The following ASIC2 variants were observed in gnomAD, a reference collection of about 807,000 sequenced individuals.
The protein encoded by ASIC2 is acid-sensing ion channel 2.
Under a neutral mutation model 57.3 loss-of-function variants are expected in ASIC2, and 25 were observed. The ratio of observed to expected loss-of-function variants is 0.44; its 90% confidence interval spans 0.32 to 0.61. ASIC2 has a LOEUF of 0.61. Among genes scored for constraint, ASIC2 ranks in the 20% least tolerant of loss-of-function variants. The probability of loss-of-function intolerance (pLI) is 0.06; values close to 1 mark genes in which losing one functional copy is unlikely to be tolerated. For missense variants in ASIC2, 641 were observed against 738.1 expected (o/e 0.87, Z 1.52); for synonymous variants, 319 against 307.5 (o/e 1.04, Z -0.39).
At chr17:33,929,605 A>G (rs1915889909) in intron 1 of ASIC2, among the ~76,000 whole-genome samples, 1 of 152,230 alleles carries the variant, frequency 6.6e-6, no homozygotes, top group African/African-American at 2.4e-5. Flanking sequence ...GGGTCAGCCC[A>G]GTATTCTCTT....
chr17:33,905,706 T>A (rs1162679610), intron 1 of ASIC2, among the ~76,000 whole-genome samples: 1 of 152,162 alleles, frequency 6.6e-6, no homozygotes, highest in Non-Finnish European at 1.5e-5. Flanking sequence ...CTGAAGCCGT[T>A]CCTCACCCTG....
intron 1 of ASIC2, among the ~76,000 whole-genome samples, chr17:33,738,110 A>T (rs1377667109): frequency 2.0e-5 from 3 of 152,168 alleles, no homozygotes; most frequent in Admixed American, 6.5e-5. Context: ...GTAAGACCAA[A>T]GGCTTGCATT....
At chr17:34,023,248 T>C (rs1213285368) in intron 1 of ASIC2, among the ~76,000 whole-genome samples, 1 of 152,088 alleles carries the variant, frequency 6.6e-6, no homozygotes, top group Admixed American at 6.6e-5. Flanking sequence ...TTTCTCTTTC[T>C]TCTCCTCTTC....
At chr17:33,498,471 A>G (rs1914006116) in intron 1 of ASIC2, among the ~76,000 whole-genome samples, 1 of 152,164 alleles carries the variant, frequency 6.6e-6, no homozygotes, top group South Asian at 2.1e-4. Flanking sequence ...ACTATTCAGG[A>G]GGCGTTGAAG....
intron 1 of ASIC2, among the ~76,000 whole-genome samples, chr17:33,657,523 C>T (rs1193068668): frequency 1.3e-5 from 2 of 152,134 alleles, no homozygotes; most frequent in South Asian, 4.1e-4. Context: ...GAGCCAGCTT[C>T]TTCCTCTCAG....
chr17:34,108,272 T>C (rs1911136525), intron 1 of ASIC2, among the ~76,000 whole-genome samples: 1 of 152,136 alleles, frequency 6.6e-6, no homozygotes, highest in Non-Finnish European at 1.5e-5. Context: ...ACAATAAATA[T>C]CCTGTTCATG....
chr17:33,016,090 G>T, intron 8 of ASIC2, 51 bp from the exon 9 acceptor site: 1 of 1,587,522 alleles, frequency 6.3e-7, no homozygotes, highest in Non-Finnish European at 8.6e-7. Flanking sequence ...GGGTGCAGAG[G>T]CAGAAGGGAC....
At chr17:33,950,850 G>T (rs1904538444) in intron 1 of ASIC2, among the ~76,000 whole-genome samples, 1 of 152,146 alleles carries the variant, frequency 6.6e-6, no homozygotes, top group Admixed American at 6.5e-5. Context: ...CTTTCTTTTT[G>T]GGAAAAAGCA....
chr17:33,090,240 C>T (rs746110314), intron 2 of ASIC2, among the ~76,000 whole-genome samples: 13 of 152,204 alleles, frequency 8.5e-5, no homozygotes, highest in Non-Finnish European at 1.8e-4. Flanking sequence ...CCATCCCCAC[C>T]CAAAGCAACT....
At chr17:33,635,129 GT>G (rs1400194298) in intron 1 of ASIC2, 2 of 138,510 alleles carry the variant, frequency 1.4e-5, no homozygotes, top group African/African-American at 2.7e-5. Flanking sequence ...CCAACTCACT[GT>G]TTCTAAATCA....
chr17:33,762,237 C>T (rs569903972), intron 1 of ASIC2, among the ~76,000 whole-genome samples: 1 of 152,226 alleles, frequency 6.6e-6, no homozygotes, highest in Non-Finnish European at 1.5e-5. Flanking sequence ...GGGGCAACCA[C>T]CACATTGGGT....
intron 1 of ASIC2, among the ~76,000 whole-genome samples, chr17:33,342,746 G>A (rs1907776165): frequency 6.6e-6 from 1 of 152,102 alleles, no homozygotes; most frequent in Non-Finnish European, 1.5e-5. Context: ...ATCTGATGAT[G>A]GCAGAGTTTC....
At position 33,309,200 on chromosome 17, in the gene ASIC2, C is replaced by T. The variant is rs183446724; in HGVS notation, c.556-197133G>A. Among the ~76,000 whole-genome samples, 92 of 151,878 alleles carry T rather than the reference C, an allele frequency of 6.1e-4. 2 individuals are homozygous for T. The East Asian group carries it at 7.7e-3, about 13-fold the overall frequency. On this transcript the variant is annotated intron_variant, in intron 1 of 9. Coordinates refer to the ASIC2 transcript ENST00000359872. ...TTATCTTCCTCCTTTCTCCTCTGCTCGTAGCTCAGATATTGACTTTCAAAA... is the reference window on the plus strand; with the variant it reads ...TTATCTTCCTCCTTTCTCCTCTGCTTGTAGCTCAGATATTGACTTTCAAAA...
intron 1 of ASIC2, among the ~76,000 whole-genome samples, chr17:33,789,878 G>A (rs1025345342): frequency 1.3e-5 from 2 of 152,198 alleles, no homozygotes; most frequent in African/African-American, 4.8e-5. Context: ...TTCACTGGGT[G>A]TGGTGATGTC....
intron 1 of ASIC2, chr17:34,118,633 C>A (rs1911500317): frequency 6.6e-6 from 1 of 152,220 alleles, no homozygotes; most frequent in Non-Finnish European, 1.5e-5. Context: ...TGACCAGGAT[C>A]CCTGTCCTGG....
chr17:33,500,922 G>A (rs1345503798), intron 1 of ASIC2, among the ~76,000 whole-genome samples: 5 of 152,178 alleles, frequency 3.3e-5, no homozygotes, highest in South Asian at 2.1e-4. Flanking sequence ...ATAGCGTCCC[G>A]CTACAACTCT....
Position 33,799,440 on chromosome 17 carries a change from T to C in ASIC2, c.555+356538A>G, listed in dbSNP as rs1211981796. On this transcript the variant is annotated intron_variant, in intron 1 of 9. Coordinates refer to the ASIC2 transcript ENST00000359872. ...CTTTCTTTCTTTCTTCTTTCTTTCT[T>C]TCTTTCTTTCTTTCTTTCTTTCTTT... is the stretch of plus-strand genomic sequence containing the variant. 3.9e-5 allele frequency among the ~76,000 whole-genome samples: 2 copies of C among 51,540 alleles called. 1 individual carries two copies. Among genetic ancestry groups the C allele is most frequent in the African/African-American group, 1.2e-4 (2 of 16,578 alleles). The allele number at this position is 51,540 out of a possible 152,430, so 33.8% of individuals were successfully genotyped here. A position where few individuals can be genotyped will look rare whatever the true frequency, so the allele number is the denominator to read the frequency against.
chr17:33,263,324 G>A (rs1466458323), intron 1 of ASIC2, among the ~76,000 whole-genome samples: 1 of 152,218 alleles, frequency 6.6e-6, no homozygotes, highest in African/African-American at 2.4e-5. Flanking sequence ...CATGGGCTGT[G>A]GCTCCTGGCT....
rs1313199070 is a variant in ASIC2, at chr17:33,209,169, G to A, written c.708+82239C>T. ...TACCATCCTACATGACATCCGTTAG[G>A]GTTTACTCACTAACCCTGAGCTAAG... On this transcript the variant is annotated intron_variant, in intron 1 of 9. Coordinates refer to ENST00000225823, the MANE Select transcript of ASIC2 (RefSeq NM_183377.2). Among the ~76,000 whole-genome samples the A allele has an allele frequency of 2.0e-5, 3 of 152,086 alleles. 1 individual carries two copies. The highest frequency in any genetic ancestry group is 4.4e-5 in the Non-Finnish European group (3 of 68,018).
Sources: gnomAD v4.1 joint callset for allele counts (sites outside exome capture counted in the v4.1 genomes callset) on GRCh38, gnomAD v4.1.1 for gene constraint, MANE v1.5 for transcripts, NCBI Gene and HGNC (gene_info 2026-07-23, HGNC 2026-07-21) for gene names.